ACTR3: variants seen among roughly 807,000 people sequenced by gnomAD.
ACTR3 encodes actin related protein 3, also known as actin-related protein 3.
A neutral mutation model predicts 56.8 loss-of-function variants in ACTR3; 12 were observed. The ratio of observed to expected loss-of-function variants is 0.21; its 90% confidence interval spans 0.14 to 0.34. The LOEUF (loss-of-function observed/expected upper bound fraction) is 0.34, where lower values mean the gene tolerates loss of function less well. Ranked by LOEUF, ACTR3 falls within the 10% of genes least tolerant of loss-of-function variation. ACTR3 has a pLI of 1.00. For synonymous variants in ACTR3, 162 were observed against 167.4 expected (o/e 0.97, Z 0.25); for missense variants, 282 against 512.5 (o/e 0.55, Z 4.34).
intron 3 of ACTR3, among the ~76,000 whole-genome samples, chr2:113,919,890 A>C (rs1679475791): frequency 6.6e-6 from 1 of 152,174 alleles, no homozygotes; most frequent in Non-Finnish European, 1.5e-5. Flanking sequence ...CTGGAACCAC[A>C]GGCGTGTGCC....
chr2:113,909,248 A>G (rs1679258692), intron 1 of ACTR3, among the ~76,000 whole-genome samples: 1 of 152,238 alleles, frequency 6.6e-6, no homozygotes, highest in South Asian at 2.1e-4. Context: ...TGAGAAGAGC[A>G]TTTTTGTTTT....
chr2:113,902,756 C>T (rs1679125195), intron 1 of ACTR3, among the ~76,000 whole-genome samples: 1 of 152,056 alleles, frequency 6.6e-6, no homozygotes, highest in African/African-American at 2.4e-5. Flanking sequence ...CCCGTCACCA[C>T]GCCTGGCTAG....
At chr2:113,935,475 C>A (rs1679809841) in intron 6 of ACTR3, among the ~76,000 whole-genome samples, 1 of 152,194 alleles carries the variant, frequency 6.6e-6, no homozygotes, top group Admixed American at 6.5e-5. Flanking sequence ...TCTTTTGTAA[C>A]TGGGTGCTTT....
At chr2:113,930,507 T>C (rs934062955) in intron 4 of ACTR3, among the ~76,000 whole-genome samples, 2 of 152,186 alleles carry the variant, frequency 1.3e-5, no homozygotes, top group African/African-American at 4.8e-5. Context: ...TTTAAAAATT[T>C]TTCTTTTACA....
chr2:113,903,273 C>G (rs1679134496), intron 1 of ACTR3, among the ~76,000 whole-genome samples: 1 of 152,116 alleles, frequency 6.6e-6, no homozygotes, highest in Admixed American at 6.6e-5. Context: ...GTGTGGTTTT[C>G]TTTATATTTA....
At chr2:113,890,568 C>A in intron 1 of ACTR3, 1 of 1,369,180 alleles carries the variant, frequency 7.3e-7, no homozygotes, top group Admixed American at 3.4e-5. Flanking sequence ...CAGCGGCTTT[C>A]TCCGCGCGAC....
At chr2:113,919,624 T>A (rs1679469086) in intron 3 of ACTR3, among the ~76,000 whole-genome samples, 1 of 152,220 alleles carries the variant, frequency 6.6e-6, no homozygotes, top group Middle Eastern at 3.2e-3. Flanking sequence ...CAGGGCGTGA[T>A]GAATGGGATA....
At chr2:113,906,445 C>A (rs1679193373) in intron 1 of ACTR3, among the ~76,000 whole-genome samples, 1 of 152,020 alleles carries the variant, frequency 6.6e-6, no homozygotes. Flanking sequence ...TTGATAGTGT[C>A]CTTTGATACA....
rs937535698 is a variant in ACTR3 at position 113,961,126 on chromosome 2, C to T, written c.*3671C>T. 1.3e-4 allele frequency: 19 copies of T among 151,980 alleles called. No individual in the cohort carries two copies. Among genetic ancestry groups the T allele is most frequent in the African/African-American group, 2.9e-4 (12 of 41,432 alleles). The allele number at this position is 151,980 out of a possible 1,614,324, so 9.4% of individuals were successfully genotyped here. ...CTGCTACTCATTGTTGATAACGCTT[C>T]AGTACTGTATAAATGTTTATCCTTT... On this transcript the variant is annotated 3_prime_UTR_variant, in exon 12 of 12. Coordinates refer to ENST00000263238, the MANE Select transcript of ACTR3 (RefSeq NM_005721.5).
At position 113,951,702 on chromosome 2, in the gene ACTR3, T is replaced by G; in HGVS notation, c.952-18T>G. On this transcript the variant is annotated intron_variant, in intron 9 of 11. Transcript: ENST00000263238. ...ACTTTTCTCTTTTTAAATATTATAT[T>G]TATTTTCTCTCCACTAGAATATTGT... 6.5e-6 allele frequency: 10 copies of G among 1,548,546 alleles called. No homozygotes were observed. Among genetic ancestry groups the G allele is most frequent in the Non-Finnish European group, 5.3e-6 (6 of 1,142,514 alleles).
chr2:113,917,157 C>T, intron 3 of ACTR3, 149 bp downstream of exon 3: 2 of 620,652 alleles, frequency 3.2e-6, no homozygotes, highest in Non-Finnish European at 4.7e-6. Context: ...GCATCCTTCC[C>T]TGTTGCTTTA....
chr2:113,922,850 G>A (rs1465835203), intron 3 of ACTR3, among the ~76,000 whole-genome samples: 2 of 152,184 alleles, frequency 1.3e-5, no homozygotes, highest in Non-Finnish European at 2.9e-5. Context: ...CTTAATTGGT[G>A]TTCAGAAGAG....
chr2:113,923,765 G>A (rs1392014187), intron 3 of ACTR3, among the ~76,000 whole-genome samples: 1 of 150,076 alleles, frequency 6.7e-6, no homozygotes, highest in African/African-American at 2.5e-5. Context: ...ATAAAATGGG[G>A]TGACTCAATG....
At chr2:113,929,274 T>C (rs1405417484) in intron 4 of ACTR3, among the ~76,000 whole-genome samples, 4 of 152,058 alleles carry the variant, frequency 2.6e-5, no homozygotes, top group African/African-American at 9.7e-5. Context: ...CCTGAGTAGC[T>C]AGGACACACA....
intron 1 of ACTR3, among the ~76,000 whole-genome samples, chr2:113,909,508 A>G (rs748494765): frequency 2.2e-4 from 34 of 152,146 alleles, no homozygotes; most frequent in Non-Finnish European, 4.3e-4. Context: ...TGTGTGGCTT[A>G]TGGTTGAAAT....
intron 1 of ACTR3, chr2:113,890,712 T>A: frequency 9.2e-7 from 1 of 1,092,312 alleles, no homozygotes; most frequent in Non-Finnish European, 1.1e-6. Context: ...GCCAGTCGGT[T>A]TGGGGACCCA....
chr2:113,941,711 CT>C (rs1341499247), intron 7 of ACTR3, among the ~76,000 whole-genome samples: 1 of 151,772 alleles, frequency 6.6e-6, no homozygotes, highest in African/African-American at 2.4e-5. Context: ...TATTTTTAGC[CT>C]TTTTTCTTTG....
chr2:113,936,694 T>C (rs1421203957), intron 6 of ACTR3, among the ~76,000 whole-genome samples: 1 of 152,176 alleles, frequency 6.6e-6, no homozygotes, highest in African/African-American at 2.4e-5. Context: ...CGTAATAAAG[T>C]ACTACAGACT....
chr2:113,930,582 G>A (rs1679701512), intron 4 of ACTR3, among the ~76,000 whole-genome samples: 1 of 152,150 alleles, frequency 6.6e-6, no homozygotes, highest in Non-Finnish European at 1.5e-5. Flanking sequence ...GTCTTACCCA[G>A]TGTTAATCTT....
Sources: allele counts gnomAD v4.1 joint callset (sites outside exome capture counted in the v4.1 genomes callset), GRCh38; gene constraint gnomAD v4.1.1; transcripts MANE v1.5; gene names NCBI Gene and HGNC (gene_info 2026-07-23, HGNC 2026-07-21).